The following SLC25A42 variants were observed in gnomAD, a reference collection of about 807,000 sequenced individuals.
SLC25A42 encodes the protein solute carrier family 25 member 42.
A neutral mutation model predicts 34.7 loss-of-function variants in SLC25A42; 19 were observed. The observed-to-expected ratio is 0.55, with a 90% CI of 0.38 to 0.80. The LOEUF is 0.80. Ranked by LOEUF, SLC25A42 falls within the 30% of genes least tolerant of loss-of-function variation. The pLI, the probability that SLC25A42 is intolerant of heterozygous loss-of-function variation, is 0.00. For missense variants in SLC25A42, 364 were observed against 441.3 expected (o/e 0.82, Z 1.57); for synonymous variants, 205 against 191.2 (o/e 1.07, Z -0.59).
chr19:19,067,497 T>C lies in SLC25A42; in HGVS notation c.-35+3382T>C, dbSNP rs557930781. On this transcript the variant is annotated intron_variant, in intron 1 of 7. Coordinates refer to ENST00000318596, the MANE Select transcript of SLC25A42 (RefSeq NM_178526.5). ...TAGTTGGGAGGCTAAGGTGGAGAAC[T>C]GCTTGAGCCCAGGAGTTCAATGCTG... 5.3e-5 allele frequency among the ~76,000 whole-genome samples: 8 copies of C among 152,236 alleles called. No homozygotes were observed. The East Asian group carries it at 1.4e-3, about 26-fold the overall frequency.
rs2059763991 is a variant in SLC25A42 at position 19,096,160 on chromosome 19, G to A, written c.36G>A (p.Leu12=). The change falls in exon 2 of 8, where the codon TTG becomes TTA. Residue 12 remains leucine, a synonymous_variant. Transcript: ENST00000318596. ...GNGVKEGPVR[L]HEDAEAVLSS... The stretch of plus-strand genomic sequence containing the variant: ...GTGTGAAGGAAGGCCCGGTGCGATT[G>A]CATGAGGATGCTGAGGCTGTCCTGT... 6.2e-7 allele frequency: 1 copy of A among 1,613,242 alleles called. No homozygotes were observed. The highest frequency in any genetic ancestry group is 1.7e-5 in the Admixed American group (1 of 59,968).
Position 19,096,166 on chromosome 19 carries a change from G to A in SLC25A42, c.42G>A (p.Glu14=). 6.2e-7 allele frequency: 1 copy of A among 1,613,168 alleles called. No individual in the cohort carries two copies. Among genetic ancestry groups the A allele is most frequent in the Non-Finnish European group, 8.5e-7 (1 of 1,179,992 alleles). Residue 14 remains glutamate (E), a synonymous_variant, in exon 2 of 8, where the codon GAG becomes GAA. Coordinates refer to ENST00000318596, the MANE Select transcript of SLC25A42 (RefSeq NM_178526.5). ...AGGAAGGCCCGGTGCGATTGCATGA[G>A]GATGCTGAGGCTGTCCTGTCCTCGT... is the stretch of plus-strand genomic sequence containing the variant. ...GVKEGPVRLH[E]DAEAVLSSSV... is the part of the protein sequence containing the mutation.
intron 1 of SLC25A42, among the ~76,000 whole-genome samples, chr19:19,065,591 T>A (rs1179954466): frequency 6.6e-6 from 1 of 152,178 alleles, no homozygotes; most frequent in South Asian, 2.1e-4. Context: ...GCAAAGACGG[T>A]ACCAGAATGT....
chr19:19,073,338 C>G (rs1178940662), intron 1 of SLC25A42, among the ~76,000 whole-genome samples: 1 of 152,168 alleles, frequency 6.6e-6, no homozygotes, highest in Non-Finnish European at 1.5e-5. Flanking sequence ...AGTGGCCCCT[C>G]AAGTGCAGCA....
In SLC25A42 at chr19:19,110,636, C is replaced by A. The variant is rs775814532; in HGVS notation, c.717C>A (p.Ile239=). The change falls in exon 8 of 8, where the codon ATC becomes ATA. Residue 239 remains isoleucine, a synonymous_variant. Transcript: ENST00000318596. ...RMIFGACAGL[I]GQSASYPLDV... ...TCTTCGGCGCCTGCGCTGGCCTCAT[C>A]GGGCAGTCGGCCTCGTACCCGCTGG... 6.5e-7 allele frequency: 1 copy of A among 1,540,314 alleles called. No homozygotes were observed. Among genetic ancestry groups the A allele is most frequent in the Admixed American group, 2.0e-5 (1 of 49,692 alleles).
At chr19:19,073,209 A>C (rs1477839271) in intron 1 of SLC25A42, among the ~76,000 whole-genome samples, 1 of 152,220 alleles carries the variant, frequency 6.6e-6, no homozygotes, top group Non-Finnish European at 1.5e-5. Flanking sequence ...ACCTGTCTGC[A>C]GCTGTTATGT....
chr19:19,084,428 T>A (rs1277900840), intron 1 of SLC25A42, among the ~76,000 whole-genome samples: 1 of 152,182 alleles, frequency 6.6e-6, no homozygotes. Context: ...ATGTATAGCA[T>A]CACATCCCCA....
At chr19:19,072,162 A>G (rs1209415655) in intron 1 of SLC25A42, among the ~76,000 whole-genome samples, 2 of 152,086 alleles carry the variant, frequency 1.3e-5, no homozygotes, top group Non-Finnish European at 2.9e-5. Context: ...GAATGTGTAC[A>G]TTTCAATCAT....
At chr19:19,097,277 C>T (rs1454990665) in intron 2 of SLC25A42, among the ~76,000 whole-genome samples, 2 of 152,328 alleles carry the variant, frequency 1.3e-5, no homozygotes, top group South Asian at 2.1e-4. Context: ...GACCTTTCCC[C>T]GGATTCCAGG....
At chr19:19,107,768 A>G (rs1484051635) in intron 6 of SLC25A42, 126 bp from the exon 7 acceptor site, 5 of 874,832 alleles carry the variant, frequency 5.7e-6, no homozygotes, top group Non-Finnish European at 9.0e-6. Flanking sequence ...TTGAAGAAGA[A>G]GGAAAACATC....
At chr19:19,103,833 C>T (rs2059811249) in intron 3 of SLC25A42, among the ~76,000 whole-genome samples, 1 of 152,214 alleles carries the variant, frequency 6.6e-6, no homozygotes. Flanking sequence ...TCCGCTTCCT[C>T]CTTGGCTGGC....
intron 1 of SLC25A42, among the ~76,000 whole-genome samples, chr19:19,078,558 A>AGAGCATGTACGCAGC (rs990301848): frequency 2.6e-5 from 4 of 152,208 alleles, no homozygotes; most frequent in African/African-American, 9.7e-5. Context: ...GTGCCTCCGC[A>AGAGCATGTACGCAGC]GAGCATGTAC....
intron 2 of SLC25A42, among the ~76,000 whole-genome samples, chr19:19,097,710 C>A (rs1045789752): frequency 6.6e-6 from 1 of 152,208 alleles, no homozygotes; most frequent in African/African-American, 2.4e-5. Flanking sequence ...CACCTGTAAT[C>A]CCTGCACTCT....
Position 19,110,759 on chromosome 19 carries a change from C to G in SLC25A42, c.840C>G (p.Ala280=). Residue 280 remains alanine (A), a synonymous_variant, in exon 8 of 8, where the codon GCC becomes GCG. Transcript: ENST00000318596. ...TLRTIVREEG[A]VRGLYKGLSM... is the part of the protein sequence containing the mutation. ...GCACCATCGTGCGGGAGGAGGGCGC[C>G]GTGCGCGGCCTCTACAAAGGCTTGA... is the stretch of plus-strand genomic sequence containing the variant. 1.2e-6 allele frequency: 2 copies of G among 1,613,064 alleles called. No homozygotes were observed. Among genetic ancestry groups the G allele is most frequent in the Non-Finnish European group, 1.7e-6 (2 of 1,179,790 alleles).
chr19:19,075,816 C>T (rs1255611554), intron 1 of SLC25A42, among the ~76,000 whole-genome samples: 2 of 152,188 alleles, frequency 1.3e-5, no homozygotes, highest in African/African-American at 4.8e-5. Context: ...CCTTGCTCTG[C>T]CCTCTAACTC....
chr19:19,095,215 CA>C (rs56317817), intron 1 of SLC25A42, among the ~76,000 whole-genome samples: 6 of 149,406 alleles, frequency 4.0e-5, no homozygotes, highest in Non-Finnish European at 7.4e-5. Flanking sequence ...AAAACAAAAA[CA>C]AAAAAAAACA....
At chr19:19,105,844 C>T in intron 5 of SLC25A42, 117 bp downstream of exon 5, 1 of 922,854 alleles carries the variant, frequency 1.1e-6, no homozygotes, top group Non-Finnish European at 1.6e-6. Flanking sequence ...TGCCTTCCCT[C>T]TTCCCACAAC....
intron 7 of SLC25A42, 22 bp from the exon 8 acceptor site, chr19:19,110,547 C>T: frequency 2.2e-6 from 3 of 1,380,320 alleles, no homozygotes; most frequent in Non-Finnish European, 1.9e-6. Flanking sequence ...CCTTCACGGC[C>T]CTCCCGCCCC....
At chr19:19,100,311 C>T (rs1297529033) in intron 2 of SLC25A42, among the ~76,000 whole-genome samples, 2 of 152,086 alleles carry the variant, frequency 1.3e-5, no homozygotes, top group Non-Finnish European at 1.5e-5. Context: ...CACTGTGTTC[C>T]AGCCTGGGCG....
Sources: allele counts gnomAD v4.1 joint callset (sites outside exome capture counted in the v4.1 genomes callset), GRCh38; gene constraint gnomAD v4.1.1; transcripts MANE v1.5; gene names NCBI Gene and HGNC (gene_info 2026-07-23, HGNC 2026-07-21).